PRDM15: variants seen among roughly 807,000 people sequenced by gnomAD.
PRDM15 encodes the protein PR domain zinc finger protein 15.
Under a neutral mutation model 128.6 loss-of-function variants are expected in PRDM15, and 64 were observed. The ratio of observed to expected loss-of-function variants is 0.50; its 90% confidence interval spans 0.41 to 0.61. The LOEUF is 0.61. Ranked by LOEUF, PRDM15 falls within the 20% of genes least tolerant of loss-of-function variation. The pLI is 0.00. For synonymous variants in PRDM15, 615 were observed against 621.8 expected, an observed-to-expected ratio of 0.99 and a Z score of 0.16; for missense variants, 1,242 against 1,569.1, an observed-to-expected ratio of 0.79 and a Z score of 3.52.
intron 2 of PRDM15, 99 bp downstream of exon 2, chr21:41,860,228 T>G: frequency 1.2e-6 from 1 of 846,120 alleles, no homozygotes; most frequent in South Asian, 1.5e-5. Flanking sequence ...AAAAACCAAA[T>G]GTAGACGTGG....
Position 41,859,198 on chromosome 21 carries a change from G to C in PRDM15, c.131+394C>G. The C allele has an allele frequency of 1.2e-6, 2 of 1,613,960 alleles. No individual in the cohort carries two copies. The highest frequency in any genetic ancestry group is 1.7e-6 in the Non-Finnish European group (2 of 1,179,980). ...AACCCCGCATCCCCTGCCCCGCCTG[G>C]GTGTGCACGTGTCCGCTGGCAGGCC... is the stretch of plus-strand genomic sequence containing the variant. On this transcript the variant is annotated intron_variant, in intron 3 of 23. Transcript: ENST00000398548. This position sits in a 1 kb window ranked among gnomAD's most constrained non-coding sequence, Gnocchi z 5.3.
chr21:41,845,731 C>T (rs1415873048), intron 6 of PRDM15, among the ~76,000 whole-genome samples: 3 of 152,134 alleles, frequency 2.0e-5, no homozygotes, highest in South Asian at 2.1e-4. Context: ...CCACGTCTTA[C>T]GTAGTTGATG....
At chr21:41,833,279 A>C (rs2062758438) in intron 11 of PRDM15, among the ~76,000 whole-genome samples, 1 of 152,090 alleles carries the variant, frequency 6.6e-6, no homozygotes, top group Non-Finnish European at 1.5e-5. Flanking sequence ...CCATGGAGGG[A>C]GCTTCAGAAA....
chr21:41,809,493 A>G (rs1020414808), intron 21 of PRDM15, among the ~76,000 whole-genome samples: 3 of 151,998 alleles, frequency 2.0e-5, no homozygotes, highest in African/African-American at 7.2e-5. Context: ...TGCCTCCCAA[A>G]GTGCTGGGAT....
intron 1 of PRDM15, among the ~76,000 whole-genome samples, chr21:41,864,684 G>C (rs2063937938): frequency 6.6e-6 from 1 of 151,900 alleles, no homozygotes; most frequent in South Asian, 2.1e-4. Context: ...GGCTGCAAAG[G>C]GTCTCCAGAT....
Position 41,836,001 on chromosome 21 carries a change from C to A in PRDM15, c.1278+112G>T. 2 of 593,994 alleles carry A rather than the reference C, an allele frequency of 3.4e-6. 1 individual carries two copies. 36.8% of individuals were successfully genotyped at this position (593,994 alleles called of 1,614,324 possible). A position where few individuals can be genotyped will look rare whatever the true frequency, so the allele number is the denominator to read the frequency against. On this transcript the variant is annotated intron_variant, in intron 10 of 23. Coordinates refer to ENST00000398548, the MANE Select transcript of PRDM15 (RefSeq NM_001040424.3). The stretch of plus-strand genomic sequence containing the variant: ...CTCCTCCCTCCCCCACAGCCCCCGC[C>A]CACTCTCCTCCCTCCTGGGATTCTT...
In PRDM15 at chr21:41,862,147, G is replaced by A; in HGVS notation, c.-9-1775C>T. ...AGGGCGCACGCTTTCATGAGTTGCTGCTGTGCTACTGGAGGTGTAGGACCT... is the reference window on the plus strand; with the variant it reads ...AGGGCGCACGCTTTCATGAGTTGCTACTGTGCTACTGGAGGTGTAGGACCT... On this transcript the variant is annotated intron_variant, in intron 1 of 23. Transcript: ENST00000398548. The surrounding 1 kb of genome is among the most constrained non-coding windows in gnomAD (Gnocchi z 4.1). 1 of 670,582 alleles carries A rather than the reference G, an allele frequency of 1.5e-6. No individual in the cohort carries two copies. The highest frequency in any genetic ancestry group is 2.7e-6 in the Non-Finnish European group (1 of 373,090). 41.5% of individuals were successfully genotyped at this position (670,582 alleles called of 1,614,324 possible).
At chr21:41,829,862 TACC>T (rs1320460103) in intron 11 of PRDM15, among the ~76,000 whole-genome samples, 1 of 143,344 alleles carries the variant, frequency 7.0e-6, no homozygotes, top group East Asian at 2.2e-4. Context: ...CATTATCACA[TACC>T]ACATACACAC....
rs540920749 is a variant in PRDM15 at position 41,836,423 on chromosome 21, G to T, written c.1183+45C>A. 5 of 1,579,774 alleles carry T rather than the reference G, an allele frequency of 3.2e-6. No individual in the cohort carries two copies. The African/African-American group carries it at 6.7e-5, about 21-fold the overall frequency. On this transcript the variant is annotated intron_variant, in intron 9 of 23. Transcript: ENST00000398548. Reference sequence around the variant, plus strand: ...TGCTGTCCTCCCACCCCCAGCCCCAGTCCTGGCCCTGGCCCCGGGCGCCAG... The same window carrying T: ...TGCTGTCCTCCCACCCCCAGCCCCATTCCTGGCCCTGGCCCCGGGCGCCAG...
rs1395136919 is a variant in PRDM15, at chr21:41,811,826, AG to A, written c.2393-991del. 6.6e-6 allele frequency: 1 copy of A among 151,324 alleles called. No homozygotes were observed. 9.4% of individuals were successfully genotyped at this position (151,324 alleles called of 1,614,324 possible). The stretch of plus-strand genomic sequence containing the variant: ...AGCCTCTCTGAGTAGCTGGGACTAC[AG>A]GCACCCGCCACCACGCCCAGCTAAT... On this transcript the variant is annotated intron_variant, in intron 19 of 23. Transcript: ENST00000398548. The surrounding 1 kb of genome is among the most constrained non-coding windows in gnomAD (Gnocchi z 4.1).
intron 6 of PRDM15, among the ~76,000 whole-genome samples, chr21:41,840,686 C>T (rs2063048659): frequency 6.6e-6 from 1 of 151,692 alleles, no homozygotes; most frequent in Non-Finnish European, 1.5e-5. Context: ...CAGACACATA[C>T]ACACAAACTC....
chr21:41,822,471 A>C (rs2062313037), intron 14 of PRDM15, among the ~76,000 whole-genome samples: 1 of 152,256 alleles, frequency 6.6e-6, no homozygotes, highest in Non-Finnish European at 1.5e-5. Flanking sequence ...GGAGGGACAC[A>C]GATGCCAGCA....
intron 1 of PRDM15, among the ~76,000 whole-genome samples, chr21:41,866,095 A>C (rs1186879024): frequency 6.6e-6 from 1 of 151,832 alleles, no homozygotes; most frequent in Non-Finnish European, 1.5e-5. Context: ...TTTTCCACTC[A>C]CTCCTTTTGT....
intron 1 of PRDM15, among the ~76,000 whole-genome samples, chr21:41,865,869 C>A (rs995863803): frequency 6.6e-6 from 1 of 152,182 alleles, no homozygotes; most frequent in Non-Finnish European, 1.5e-5. Context: ...TTCAGCCTCT[C>A]AAGTAGCTGG....
chr21:41,875,301 C>T (rs562803891), intron 1 of PRDM15, among the ~76,000 whole-genome samples: 3 of 152,404 alleles, frequency 2.0e-5, no homozygotes, highest in African/African-American at 7.2e-5. Flanking sequence ...ACTCCCAAGC[C>T]GGCATCCTGG....
chr21:41,832,611 A>G lies in PRDM15; in HGVS notation c.1366+2826T>C, dbSNP rs1601280426. 1.3e-5 allele frequency among the ~76,000 whole-genome samples: 2 copies of G among 152,040 alleles called. No homozygotes were observed. Among genetic ancestry groups the G allele is most frequent in the African/African-American group, 2.4e-5 (1 of 41,388 alleles). On this transcript the variant is annotated intron_variant, in intron 11 of 23. Transcript: ENST00000398548. This position sits in a 1 kb window ranked among gnomAD's most constrained non-coding sequence, Gnocchi z 4.2. ...AGGTGAGCCTCCCTCCCAGCCAGGC[A>G]CTAAAGAGCACAGGTGAGCCTCCCT...
Position 41,801,708 on chromosome 21 carries a change from C to T in PRDM15, c.2958G>A (p.Leu986=). 6.2e-7 allele frequency: 1 copy of T among 1,612,194 alleles called. No homozygotes were observed. The highest frequency in any genetic ancestry group is 8.5e-7 in the Non-Finnish European group (1 of 1,178,378). The stretch of plus-strand genomic sequence containing the variant: ...ATGGTGTGGTCACATTTGGGTCACC[C>T]AGGGTCACCACTACCTGGAAGATTC... ...VQSIQQVVVT[L]GDPNVTTPSS... The change falls in exon 24 of 24, where the codon CTG becomes CTA. Residue 986 remains leucine, a synonymous_variant. Transcript: ENST00000398548.
intron 1 of PRDM15, among the ~76,000 whole-genome samples, chr21:41,865,571 A>G (rs1347977627): frequency 6.6e-6 from 1 of 152,074 alleles, no homozygotes; most frequent in Non-Finnish European, 1.5e-5. Context: ...TCAGTCCACC[A>G]TGGGGGTTCC....
rs1375407811 is a variant in PRDM15 at position 41,810,119 on chromosome 21, G to A, written c.2652+35C>T. ...GGGGGTGTCCGGTGCGCGGCCCGCT[G>A]GCGGGGCACGGAGGGGGCACAGCCA... is the stretch of plus-strand genomic sequence containing the variant. On this transcript the variant is annotated intron_variant, in intron 21 of 23. Transcript: ENST00000398548. The surrounding 1 kb of genome is among the most constrained non-coding windows in gnomAD (Gnocchi z 6.4). 4.4e-6 allele frequency: 7 copies of A among 1,583,310 alleles called. No homozygotes were observed. In the African/African-American group the frequency reaches 8.0e-5, roughly 18 times the overall value.
Sources: gnomAD v4.1 joint callset for allele counts (sites outside exome capture counted in the v4.1 genomes callset) on GRCh38, gnomAD v4.1.1 for gene constraint, Gnocchi (gnomAD v3.1) non-coding constraint, MANE v1.5 for transcripts, NCBI Gene and HGNC (gene_info 2026-07-23, HGNC 2026-07-21) for gene names.